Variants in TSPAN15 observed in about 807,000 individuals in gnomAD.
TSPAN15 encodes the protein tetraspanin 15, also known as tetraspanin-15.
Under a neutral mutation model 34.5 loss-of-function variants are expected in TSPAN15, and 20 were observed. The ratio of observed to expected loss-of-function variants is 0.58; its 90% CI spans 0.41 to 0.84. The LOEUF is 0.84. TSPAN15 is among the 40% of genes least tolerant of loss of function. The pLI is 0.00. For synonymous variants in TSPAN15, 155 were observed against 153.9 expected, an observed-to-expected ratio of 1.01 and a Z score of -0.05; for missense variants, 313 against 386.1, an observed-to-expected ratio of 0.81 and a Z score of 1.59.
downstream of TSPAN15, among the ~76,000 whole-genome samples, chr10:69,512,337 A>G (rs1349229513): frequency 6.6e-6 from 1 of 152,172 alleles, no homozygotes; most frequent in Non-Finnish European, 1.5e-5. Context: ...TTGCTTTTTG[A>G]TTTATTTGTT....
chr10:69,530,408 G>A, the TSPAN15 span, among the ~76,000 whole-genome samples: 1 of 147,800 alleles, frequency 6.8e-6, no homozygotes, highest in Non-Finnish European at 1.5e-5. Context: ...ACTTTATAAA[G>A]CAAACATGAC....
intron 1 of TSPAN15, among the ~76,000 whole-genome samples, chr10:69,455,557 C>CTCTTTCTTTCTCTTT (rs1841072734): frequency 1.4e-5 from 2 of 140,020 alleles, no homozygotes; most frequent in Non-Finnish European, 3.1e-5. Flanking sequence ...TTCTCTCTCT[C>CTCTTTCTTTCTCTTT]TCTTTCTTTC....
intron 1 of TSPAN15, among the ~76,000 whole-genome samples, chr10:69,465,396 T>G (rs1213583233): frequency 1.3e-5 from 2 of 152,260 alleles, no homozygotes; most frequent in Non-Finnish European, 2.9e-5. Flanking sequence ...TGTGGTCTTC[T>G]GGTGCCGGCC....
At position 69,507,274 on chromosome 10, in the gene TSPAN15, C is replaced by G. The variant is rs760210117; in HGVS notation, c.*296C>G. The stretch of plus-strand genomic sequence containing the variant: ...GCTACGGGGGAGGGAGAGCCTGAGG[C>G]TCTGCTCAGGGCCCATTTCATCTCT... On this transcript the variant is annotated 3_prime_UTR_variant, in exon 8 of 8. Transcript: ENST00000373290. 1 of 1,322,428 alleles carries G rather than the reference C, an allele frequency of 7.6e-7. No homozygotes were observed. The highest frequency in any genetic ancestry group is 9.7e-7 in the Non-Finnish European group (1 of 1,031,852). The allele number at this position is 1,322,428 out of a possible 1,614,324, so 81.9% of individuals were successfully genotyped here. A position where few individuals can be genotyped will look rare whatever the true frequency, so the allele number is the denominator to read the frequency against.
At chr10:69,533,197 A>G in the TSPAN15 span, among the ~76,000 whole-genome samples, 1 of 152,218 alleles carries the variant, frequency 6.6e-6, no homozygotes, top group Non-Finnish European at 1.5e-5. Context: ...TCATTATATG[A>G]AAAAGATACT....
chr10:69,542,225 C>T, the TSPAN15 span, among the ~76,000 whole-genome samples: 1 of 152,278 alleles, frequency 6.6e-6, no homozygotes, highest in Non-Finnish European at 1.5e-5. Flanking sequence ...ACTCCAGTTT[C>T]CAACAAGTTC....
At chr10:69,520,815 G>A in the TSPAN15 span, among the ~76,000 whole-genome samples, 1 of 152,148 alleles carries the variant, frequency 6.6e-6, no homozygotes, top group African/African-American at 2.4e-5. Flanking sequence ...TTCTGTTTTT[G>A]GTTCTTTTTG....
At chr10:69,541,957 A>G in the TSPAN15 span, among the ~76,000 whole-genome samples, 1 of 152,226 alleles carries the variant, frequency 6.6e-6, no homozygotes, top group Non-Finnish European at 1.5e-5. Context: ...GGTGATTAAC[A>G]TTCGGTTCCT....
chr10:69,483,597 C>G, intron 1 of TSPAN15, 94 bp from the exon 2 acceptor site: 1 of 1,354,426 alleles, frequency 7.4e-7, no homozygotes, highest in African/African-American at 1.5e-5. Flanking sequence ...GGGCAAGCCT[C>G]CCCCACAGCA....
intron 5 of TSPAN15, among the ~76,000 whole-genome samples, chr10:69,500,131 A>G (rs1842174123): frequency 6.6e-6 from 1 of 152,178 alleles, no homozygotes; most frequent in African/African-American, 2.4e-5. Context: ...GTCATAGGTC[A>G]TCTTGTCCAG....
Position 69,458,651 on chromosome 10 carries a change from G to A in TSPAN15, c.96+6961G>A, listed in dbSNP as rs1340092537. On this transcript the variant is annotated intron_variant, in intron 1 of 7. Coordinates refer to ENST00000373290, the MANE Select transcript of TSPAN15 (RefSeq NM_012339.5). The stretch of plus-strand genomic sequence containing the variant: ...TAGCATCAGACTGGGCTCAGGCCTC[G>A]GGCACAGAGAGGTCCTCCCCTCCCC... Among the ~76,000 whole-genome samples the A allele has an allele frequency of 3.2e-4, 48 of 152,068 alleles. 2 individuals are homozygous for A. The highest frequency in any genetic ancestry group is 3.0e-3 in the Admixed American group (46 of 15,274).
chr10:69,490,283 G>A (rs1269939665), intron 3 of TSPAN15, among the ~76,000 whole-genome samples: 1 of 152,180 alleles, frequency 6.6e-6, no homozygotes, highest in Non-Finnish European at 1.5e-5. Context: ...GGTGTCCGAC[G>A]GGGATTGGTT....
the TSPAN15 span, among the ~76,000 whole-genome samples, chr10:69,525,776 G>C: frequency 7.1e-6 from 1 of 140,504 alleles, no homozygotes; most frequent in Non-Finnish European, 1.5e-5. Context: ...AGCTGAGATC[G>C]CACCACTGCA....
chr10:69,470,744 C>T (rs1030512221), intron 1 of TSPAN15, among the ~76,000 whole-genome samples: 6 of 152,194 alleles, frequency 3.9e-5, no homozygotes, highest in Non-Finnish European at 7.3e-5. Flanking sequence ...AAAAAAAGAT[C>T]ACAGTTGGAA....
intron 3 of TSPAN15, among the ~76,000 whole-genome samples, chr10:69,491,624 A>C (rs1841971995): frequency 1.3e-5 from 2 of 151,554 alleles, no homozygotes; most frequent in African/African-American, 4.9e-5. Flanking sequence ...TGGCATCCCA[A>C]AGTACTGGGA....
chr10:69,473,900 T>C (rs955759684), intron 1 of TSPAN15, among the ~76,000 whole-genome samples: 3 of 152,064 alleles, frequency 2.0e-5, no homozygotes, highest in Non-Finnish European at 2.9e-5. Flanking sequence ...TGGGATTCCA[T>C]GCAAAGGGGG....
chr10:69,452,500 C>T (rs1334846597), intron 1 of TSPAN15, among the ~76,000 whole-genome samples: 1 of 152,156 alleles, frequency 6.6e-6, no homozygotes, highest in African/African-American at 2.4e-5. Flanking sequence ...GTTTCCTCAT[C>T]TGTAAATGGA....
chr10:69,482,928 T>G (rs1479385492), intron 1 of TSPAN15, among the ~76,000 whole-genome samples: 1 of 152,180 alleles, frequency 6.6e-6, no homozygotes, highest in Non-Finnish European at 1.5e-5. Flanking sequence ...CTCACAGTTC[T>G]GGAGGTTAGA....
chr10:69,473,926 G>C (rs765038752), intron 1 of TSPAN15, among the ~76,000 whole-genome samples: 2 of 151,906 alleles, frequency 1.3e-5, no homozygotes, highest in Admixed American at 6.6e-5. Flanking sequence ...ATAAACCAAG[G>C]GCCACATATA....
Sources: gnomAD v4.1 joint callset for allele counts (sites outside exome capture counted in the v4.1 genomes callset) on GRCh38, gnomAD v4.1.1 for gene constraint, MANE v1.5 for transcripts, NCBI Gene and HGNC (gene_info 2026-07-23, HGNC 2026-07-21) for gene names.